The following SEC22C variants were observed in gnomAD, a reference collection of about 807,000 sequenced individuals.
The protein encoded by SEC22C is vesicle-trafficking protein SEC22c.
Under a neutral mutation model 34.7 loss-of-function variants are expected in SEC22C, and 29 were observed. The observed-to-expected ratio is 0.84, with a 90% confidence interval of 0.62 to 1.14. The LOEUF (loss-of-function observed/expected upper bound fraction) is 1.14, where lower values mean the gene tolerates loss of function less well. Ranked by LOEUF, SEC22C falls within the 50% of genes most tolerant of loss-of-function variation. SEC22C has a pLI of 0.00. For synonymous variants in SEC22C, 117 were observed against 132.8 expected (o/e 0.88, Z 0.82); for missense variants, 337 against 369.0 (o/e 0.91, Z 0.71).
chr3:42,577,338 T>C (rs966767944), intron 1 of SEC22C, among the ~76,000 whole-genome samples: 2 of 152,020 alleles, frequency 1.3e-5, no homozygotes, highest in Admixed American at 1.3e-4. Flanking sequence ...AGCTAGAAAT[T>C]GGGAGAAAAT....
At chr3:42,569,151 T>G in intron 1 of SEC22C, 78 bp from the exon 2 acceptor site, 1 of 895,906 alleles carries the variant, frequency 1.1e-6, no homozygotes, top group Non-Finnish European at 1.7e-6. Flanking sequence ...AAATGCCCAC[T>G]CTAGGGTTTT....
intron 1 of SEC22C, chr3:42,600,707 T>G: frequency 8.1e-6 from 2 of 246,160 alleles, no homozygotes; most frequent in Non-Finnish European, 7.8e-6. Context: ...GTTAGCGGCG[T>G]TGGGGTTTGG....
intron 1 of SEC22C, among the ~76,000 whole-genome samples, chr3:42,573,743 G>GA (rs780583666): frequency 5.9e-5 from 9 of 152,096 alleles, no homozygotes; most frequent in Non-Finnish European, 1.3e-4. Flanking sequence ...ATATGGGGGG[G>GA]AGGAGAAGAA....
chr3:42,593,458 T>C (rs1704927531), intron 1 of SEC22C, among the ~76,000 whole-genome samples: 1 of 152,130 alleles, frequency 6.6e-6, no homozygotes. Flanking sequence ...GAAGGCTGTG[T>C]GTAGGTTATA....
At position 42,548,767 on chromosome 3, in the gene SEC22C, A is replaced by C. The variant is rs535836783; in HGVS notation, c.*4481T>G. On this transcript the variant is annotated 3_prime_UTR_variant, in exon 7 of 7. Transcript: ENST00000264454. ...GCTACCTTTTGGAGTGAAAAAAATGAGGTTTACACTGTAGTATAACAAAAT... is the reference window on the plus strand; with the variant it reads ...GCTACCTTTTGGAGTGAAAAAAATGCGGTTTACACTGTAGTATAACAAAAT... 7 of 1,577,812 alleles carry C rather than the reference A, an allele frequency of 4.4e-6. No individual in the cohort carries two copies. The African/African-American group carries it at 8.1e-5, about 18-fold the overall frequency.
intron 1 of SEC22C, among the ~76,000 whole-genome samples, chr3:42,598,962 T>C: frequency 6.7e-6 from 1 of 149,792 alleles, no homozygotes; most frequent in African/African-American, 2.5e-5. Context: ...TCTATAGATC[T>C]ATAGATAGAT....
chr3:42,593,184 G>A (rs1011426115), intron 1 of SEC22C, among the ~76,000 whole-genome samples: 15 of 152,082 alleles, frequency 9.9e-5, no homozygotes, highest in Admixed American at 7.2e-4. Flanking sequence ...AGGCTGAGGC[G>A]GGCAGATCAT....
At chr3:42,579,909 T>C (rs571515640) in intron 1 of SEC22C, among the ~76,000 whole-genome samples, 2 of 152,354 alleles carry the variant, frequency 1.3e-5, no homozygotes, top group South Asian at 2.1e-4. Flanking sequence ...GTTTGAACAC[T>C]TTTCCACAAT....
chr3:42,582,001 TC>T (rs1704406620), upstream of SEC22C: 1 of 151,842 alleles, frequency 6.6e-6, no homozygotes, highest in Non-Finnish European at 1.5e-5. Context: ...CCACCCCACC[TC>T]CCCCCTACCC....
chr3:42,583,279 C>A (rs1209528334), upstream of SEC22C, among the ~76,000 whole-genome samples: 2 of 152,146 alleles, frequency 1.3e-5, no homozygotes, highest in African/African-American at 2.4e-5. Flanking sequence ...GAGAATGGAG[C>A]TGGAGTGTGG....
rs1339295266 is a variant in SEC22C, at chr3:42,549,309, G to C, written c.*3939C>G. 2.0e-6 allele frequency: 2 copies of C among 985,504 alleles called. No individual in the cohort carries two copies. Among genetic ancestry groups the C allele is most frequent in the East Asian group, 1.1e-4 (1 of 8,828 alleles). 61.0% of individuals were successfully genotyped at this position (985,504 alleles called of 1,614,324 possible). A position where few individuals can be genotyped will look rare whatever the true frequency, so the allele number is the denominator to read the frequency against. On this transcript the variant is annotated 3_prime_UTR_variant, in exon 7 of 7. Coordinates refer to ENST00000264454, the MANE Select transcript of SEC22C (RefSeq NM_032970.4). ...TTGTGCTGCACTATGCAAGCAAGCAGCAGGTTCTCAGAAGGCCACTGTCCT... is the reference window on the plus strand; with the variant it reads ...TTGTGCTGCACTATGCAAGCAAGCACCAGGTTCTCAGAAGGCCACTGTCCT...
chr3:42,565,624 G>A lies in SEC22C; in HGVS notation c.183-1938C>T, dbSNP rs532372777. On this transcript the variant is annotated intron_variant, in intron 2 of 6. Coordinates refer to ENST00000264454, the MANE Select transcript of SEC22C (RefSeq NM_032970.4). ...GGAAATTTGGACACAGAGACAGAAG[G>A]AAGAAGACCATGCAACCATGGAGAC... 3.9e-5 allele frequency among the ~76,000 whole-genome samples: 6 copies of A among 152,278 alleles called. No individual in the cohort carries two copies. The East Asian group carries it at 1.2e-3, about 29-fold the overall frequency.
rs1194816714 is a variant in SEC22C, at chr3:42,552,535, C to A, written c.*713G>T. ...TTAATTTTTAAAATATTCGGATATA[C>A]CCTGCAAATAAATATAAAACATCTC... On this transcript the variant is annotated 3_prime_UTR_variant, in exon 7 of 7. Transcript: ENST00000264454. 22 of 979,908 alleles carry A rather than the reference C, an allele frequency of 2.2e-5. No individual in the cohort carries two copies. The highest frequency in any genetic ancestry group is 4.7e-5 in the South Asian group (1 of 21,176). The allele number at this position is 979,908 out of a possible 1,614,324, so 60.7% of individuals were successfully genotyped here.
intron 4 of SEC22C, among the ~76,000 whole-genome samples, chr3:42,558,485 CAA>C (rs769919883): frequency 3.4e-4 from 33 of 97,634 alleles, no homozygotes; most frequent in Admixed American, 3.6e-4. Flanking sequence ...GACCTTGTCT[CAA>C]AAAAAAAAAA....
chr3:42,596,292 GATTACAGGCGT>G (rs756393910), intron 1 of SEC22C, among the ~76,000 whole-genome samples: 7 of 152,316 alleles, frequency 4.6e-5, no homozygotes, highest in Middle Eastern at 6.8e-3. Flanking sequence ...AGAGTGCTGG[GATTACAGGCGT>G]AAGCCACCGC....
At chr3:42,568,753 T>C (rs1703421282) in intron 2 of SEC22C, 112 bp downstream of exon 2, 1 of 863,762 alleles carries the variant, frequency 1.2e-6, no homozygotes, top group Non-Finnish European at 1.8e-6. Flanking sequence ...AGACCACTGA[T>C]GCTAGATCTA....
In SEC22C at chr3:42,548,593, C is replaced by T. The variant is rs752151440; in HGVS notation, c.*4655G>A. 4 of 1,613,380 alleles carry T rather than the reference C, an allele frequency of 2.5e-6. No individual in the cohort carries two copies. The highest frequency in any genetic ancestry group is 4.5e-5 in the East Asian group (2 of 44,884). On this transcript the variant is annotated 3_prime_UTR_variant, in exon 7 of 7. Coordinates refer to ENST00000264454, the MANE Select transcript of SEC22C (RefSeq NM_032970.4). Reference sequence around the variant, plus strand: ...CGGATGGGAGAATCAGAGCTCTCCTCATTTGGGTCAGGGGTGGCTGGCTCA... The same window carrying T: ...CGGATGGGAGAATCAGAGCTCTCCTTATTTGGGTCAGGGGTGGCTGGCTCA...
chr3:42,598,930 T>C (rs3111312), intron 1 of SEC22C, among the ~76,000 whole-genome samples: 39,159 of 143,158 alleles, frequency 0.27, 4,999 homozygotes, highest in East Asian at 0.44. Flanking sequence ...TATAGATCTA[T>C]AGATATCTAG....
chr3:42,553,356 C>T lies in SEC22C; in HGVS notation c.804G>A (p.Gly268=). ...AAAGGATTTGCCAGAGGTTCCTCAG[C>T]CCGTGCAGGTACATGTTGCCCAGGC... ...FICLGNMYLH[G]LRNLWQILFH... is the part of the protein sequence containing the mutation. Residue 268 remains glycine (G), a synonymous_variant, in exon 7 of 7, where the codon GGG becomes GGA. Transcript: ENST00000264454. 1 of 1,614,150 alleles carries T rather than the reference C, an allele frequency of 6.2e-7. No homozygotes were observed.
Sources: allele counts gnomAD v4.1 joint callset (sites outside exome capture counted in the v4.1 genomes callset), GRCh38; gene constraint gnomAD v4.1.1; transcripts MANE v1.5; gene names NCBI Gene and HGNC (gene_info 2026-07-23, HGNC 2026-07-21).